Variants in XKR4 observed in about 807,000 individuals in gnomAD.
The protein encoded by XKR4 is XK-related protein 4.
A neutral mutation model predicts 53.9 loss-of-function variants in XKR4; 12 were observed. The ratio of observed to expected loss-of-function variants is 0.22; its 90% CI spans 0.14 to 0.36. The LOEUF (loss-of-function observed/expected upper bound fraction) is 0.36, where lower values mean the gene tolerates loss of function less well. Ranked by LOEUF, XKR4 falls within the 10% of genes least tolerant of loss-of-function variation. The pLI, the probability that XKR4 is intolerant of heterozygous loss-of-function variation, is 1.00. For missense variants in XKR4, 799 were observed against 859.5 expected (o/e 0.93, Z 0.88); for synonymous variants, 354 against 362.4 (o/e 0.98, Z 0.26).
chr8:55,523,919 A>G lies in XKR4; in HGVS notation c.1645A>G (p.Ile549Val), dbSNP rs1483118508. The G allele has an allele frequency of 1.2e-6, 2 of 1,614,198 alleles. No homozygotes were observed. The highest frequency in any genetic ancestry group is 1.3e-5 in the African/African-American group (1 of 75,060). ...CGTGGCCACAAGCACCCTACGGTCC[A>G]TCTCCAACAACCGCAGTGTTGTCAG... ...PDVATSTLRS[I>V]SNNRSVVSDR... Residue 549 changes from isoleucine (I) to valine (V), a missense_variant, in exon 3 of 3, where the codon ATC becomes GTC. Transcript: ENST00000327381.
intron 1 of XKR4, among the ~76,000 whole-genome samples, chr8:55,208,166 GT>G: frequency 6.6e-6 from 1 of 152,260 alleles, no homozygotes; most frequent in East Asian, 1.9e-4. Flanking sequence ...TTACCTTTTT[GT>G]ATGTGGTCAG....
chr8:55,501,643 TA>T (rs1806439000), intron 2 of XKR4, among the ~76,000 whole-genome samples: 1 of 151,876 alleles, frequency 6.6e-6, no homozygotes, highest in Non-Finnish European at 1.5e-5. Context: ...CCTTCCTTTT[TA>T]AGACTGAATA....
intron 2 of XKR4, among the ~76,000 whole-genome samples, chr8:55,428,959 A>C (rs1242056421): frequency 6.6e-6 from 1 of 152,252 alleles, no homozygotes; most frequent in Non-Finnish European, 1.5e-5. Flanking sequence ...AGTGAACTAG[A>C]ATAGCTCAAA....
intron 2 of XKR4, among the ~76,000 whole-genome samples, chr8:55,487,875 G>A (rs1806217273): frequency 6.6e-6 from 1 of 152,140 alleles, no homozygotes. Context: ...TCACTTCCAA[G>A]TAAAGCCAAT....
chr8:55,315,791 T>C (rs940830124), intron 1 of XKR4, among the ~76,000 whole-genome samples: 1 of 152,226 alleles, frequency 6.6e-6, no homozygotes. Context: ...AGTGGCTACC[T>C]ATTCAAGAAA....
chr8:55,240,435 T>A (rs1002182888), intron 1 of XKR4, among the ~76,000 whole-genome samples: 1 of 152,168 alleles, frequency 6.6e-6, no homozygotes, highest in African/African-American at 2.4e-5. Context: ...TATTGATGAA[T>A]TACGGGACAG....
Position 55,102,314 on chromosome 8 carries a change from A to T in XKR4, c.-175A>T. On this transcript the variant is annotated 5_prime_UTR_variant, in exon 1 of 3. Coordinates refer to ENST00000327381, the MANE Select transcript of XKR4 (RefSeq NM_052898.2). The surrounding 1 kb of genome is among the most constrained non-coding windows in gnomAD (Gnocchi z 5.1). ...GCGCCGCTAGCCCGGCCCAGCGCCC[A>T]GCCCGGCGGGCGGCGGGCGGCGGCG... The T allele has an allele frequency of 1.1e-6, 1 of 897,888 alleles. No homozygotes were observed. Among genetic ancestry groups the T allele is most frequent in the Non-Finnish European group, 1.4e-6 (1 of 737,766 alleles). The allele number at this position is 897,888 out of a possible 1,614,324, so 55.6% of individuals were successfully genotyped here.
intron 1 of XKR4, among the ~76,000 whole-genome samples, chr8:55,136,590 T>G (rs1653614773): frequency 6.6e-6 from 1 of 152,200 alleles, no homozygotes; most frequent in Non-Finnish European, 1.5e-5. Context: ...TGGCCAGCAG[T>G]CAAACAATAA....
In XKR4 at chr8:55,456,707, T is replaced by C. The variant is rs142576923; in HGVS notation, c.1007-66574T>C. Among the ~76,000 whole-genome samples the C allele has an allele frequency of 1.9e-4, 29 of 152,288 alleles. No homozygotes were observed. In the East Asian group the frequency reaches 5.2e-3, roughly 27 times the overall value. ...GAGAAAGAAGCAGTAAACTGAAATA[T>C]AGTTCAGTAGAAATATCTCAATCTG... On this transcript the variant is annotated intron_variant, in intron 2 of 2. Coordinates refer to ENST00000327381, the MANE Select transcript of XKR4 (RefSeq NM_052898.2).
In XKR4 at chr8:55,523,354, T is replaced by C; in HGVS notation, c.1080T>C (p.Ser360=). 11 of 1,614,182 alleles carry C rather than the reference T, an allele frequency of 6.8e-6. No individual in the cohort carries two copies. The highest frequency in any genetic ancestry group is 9.3e-6 in the Non-Finnish European group (11 of 1,180,028). Residue 360 remains serine (S), a synonymous_variant, in exon 3 of 3, where the codon TCT becomes TCC. Transcript: ENST00000327381. The part of the protein sequence containing the change: ...LASYQKALRD[S]RDDKKPISYM... The stretch of plus-strand genomic sequence containing the variant: ...CCTACCAGAAGGCCCTCCGGGACTC[T>C]CGAGATGACAAGAAGCCCATCAGCT...
chr8:55,109,194 G>A (rs1042864051), intron 1 of XKR4, among the ~76,000 whole-genome samples: 2 of 152,176 alleles, frequency 1.3e-5, no homozygotes, highest in Non-Finnish European at 2.9e-5. Context: ...CATCACTGGA[G>A]TGTCGAAGCA....
chr8:55,519,065 A>G (rs981914172), intron 2 of XKR4, among the ~76,000 whole-genome samples: 2 of 152,180 alleles, frequency 1.3e-5, no homozygotes, highest in Non-Finnish European at 2.9e-5. Flanking sequence ...TTCGCTTTGG[A>G]GAAGGACAAT....
chr8:55,429,578 G>A (rs1163737401), intron 2 of XKR4, among the ~76,000 whole-genome samples: 2 of 151,966 alleles, frequency 1.3e-5, no homozygotes, highest in East Asian at 3.9e-4. Flanking sequence ...AGCCAGGTGT[G>A]GTGACATGCA....
chr8:55,344,277 G>A (rs1375910505), intron 1 of XKR4, among the ~76,000 whole-genome samples: 3 of 152,136 alleles, frequency 2.0e-5, no homozygotes, highest in Non-Finnish European at 2.9e-5. Flanking sequence ...CTATAAGGTA[G>A]TGCTGTGACT....
At chr8:55,253,736 T>C (rs868695236) in intron 1 of XKR4, among the ~76,000 whole-genome samples, 22 of 147,354 alleles carry the variant, frequency 1.5e-4, no homozygotes, top group Non-Finnish European at 2.2e-4. Flanking sequence ...CTTTTCTTTT[T>C]TTTTTTTTTT....
chr8:55,319,919 C>A (rs145364851), intron 1 of XKR4, among the ~76,000 whole-genome samples: 75 of 152,176 alleles, frequency 4.9e-4, no homozygotes, highest in African/African-American at 1.7e-3. Context: ...AGAGTGTGGT[C>A]AAGAGGAGGG....
intron 2 of XKR4, among the ~76,000 whole-genome samples, chr8:55,400,497 C>T (rs758979804): frequency 2.0e-4 from 31 of 152,188 alleles, no homozygotes; most frequent in Non-Finnish European, 3.4e-4. Context: ...CCTGCTGAAT[C>T]ATTTTCTCTT....
chr8:55,117,517 G>GT (rs1816327164), intron 1 of XKR4, among the ~76,000 whole-genome samples: 2 of 152,140 alleles, frequency 1.3e-5, no homozygotes, highest in Non-Finnish European at 2.9e-5. Flanking sequence ...GTAAATCTTT[G>GT]TAAGTGCCAT....
Position 55,367,231 on chromosome 8 carries a change from T to TTGTGTG in XKR4, c.1006+9370_1006+9375dup, listed in dbSNP as rs58010809. On this transcript the variant is annotated intron_variant, in intron 2 of 2. Coordinates refer to ENST00000327381, the MANE Select transcript of XKR4 (RefSeq NM_052898.2). ...TTTATATAAATAGAAACATACATTATTGTGTGTGTGTGTGTGTGTGTTTCT... is the reference window on the plus strand; with the variant it reads ...TTTATATAAATAGAAACATACATTATTGTGTGTGTGTGTGTGTGTGTGTGTGTTTCT... 8.6e-5 allele frequency among the ~76,000 whole-genome samples: 13 copies of TTGTGTG among 150,454 alleles called. 1 individual carries two copies. Among genetic ancestry groups the TTGTGTG allele is most frequent in the Admixed American group, 7.3e-4 (11 of 15,058 alleles).
Sources: gnomAD v4.1 joint callset for allele counts (sites outside exome capture counted in the v4.1 genomes callset) on GRCh38, gnomAD v4.1.1 for gene constraint, Gnocchi (gnomAD v3.1) non-coding constraint, MANE v1.5 for transcripts, NCBI Gene and HGNC (gene_info 2026-07-23, HGNC 2026-07-21) for gene names.